SHOX: variants seen among roughly 807,000 people sequenced by gnomAD.
SHOX encodes short stature homeobox protein.
Under a neutral mutation model 29.6 loss-of-function variants are expected in SHOX, and 12 were observed. The ratio of observed to expected loss-of-function variants is 0.41; its 90% confidence interval spans 0.26 to 0.66. The LOEUF (loss-of-function observed/expected upper bound fraction) is 0.66, where lower values mean the gene tolerates loss of function less well. SHOX is among the 30% of genes least tolerant of loss of function. The probability of loss-of-function intolerance (pLI) is 0.35; values close to 1 mark genes in which losing one functional copy is unlikely to be tolerated. For missense variants in SHOX, 499 were observed against 437.7 expected, an observed-to-expected ratio of 1.14 and a Z score of -1.25; for synonymous variants, 214 against 200.6, an observed-to-expected ratio of 1.07 and a Z score of -0.57.
upstream of SHOX, among the ~76,000 whole-genome samples, chrX:625,950 C>T (rs867375921): frequency 0.02 from 1,177 of 58,918 alleles, 4 homozygotes; most frequent in African/African-American, 0.071. Context: ...TCTCTGTCTT[C>T]GTTCCTCTCT....
intron 1 of SHOX, among the ~76,000 whole-genome samples, chrX:633,355 G>A (rs1394843974): frequency 1.3e-5 from 2 of 152,028 alleles, no homozygotes; most frequent in Admixed American, 6.6e-5. Context: ...AGCTGGGGTC[G>A]TCTCCAGGAA....
chrX:634,579 T>C (rs1161167814), intron 1 of SHOX, 39 bp from the exon 2 acceptor site: 1 of 1,607,230 alleles, frequency 6.2e-7, no homozygotes, highest in South Asian at 1.1e-5. Flanking sequence ...GCGCAAAACC[T>C]CCCCGGCCTC....
rs751627014 is a variant in SHOX at position 635,304 on chromosome X, TA to T, written c.486+487del. On this transcript the variant is annotated intron_variant, in intron 2 of 4. Coordinates refer to ENST00000686671, the MANE Select transcript of SHOX (RefSeq NM_000451.4). ...AGAGTGTTTTACAAGATTTTTCATT[TA>T]AAAAAAAATGTGTCTTTTGGCCCCT... Among the ~76,000 whole-genome samples, 1,069 of 151,370 alleles carry T rather than the reference TA, an allele frequency of 7.1e-3. 4 individuals carry two copies. The highest frequency in any genetic ancestry group is 0.012 in the Admixed American group (185 of 15,142).
chrX:627,733 G>T (rs547161987), upstream of SHOX, among the ~76,000 whole-genome samples: 1 of 152,222 alleles, frequency 6.6e-6, no homozygotes, highest in African/African-American at 2.4e-5. Flanking sequence ...CTGGTAGAGC[G>T]GAGTTTCCTA....
downstream of SHOX, among the ~76,000 whole-genome samples, chrX:651,737 C>T (rs936069765): frequency 2.0e-5 from 3 of 151,182 alleles, no homozygotes; most frequent in Non-Finnish European, 4.4e-5. Flanking sequence ...CCCAGTGTTG[C>T]CCCCCAGCCT....
upstream of SHOX, chrX:630,664 G>A: frequency 1.6e-6 from 1 of 608,164 alleles, no homozygotes; most frequent in East Asian, 2.7e-5. Flanking sequence ...GGGGGGTGGG[G>A]GAGACACAGC....
rs1307909375 is a variant in SHOX at position 650,392 on chromosome X, T to G, written c.*5756T>G. On this transcript the variant is annotated 3_prime_UTR_variant, in exon 5 of 5. Transcript: ENST00000686671. The stretch of plus-strand genomic sequence containing the variant: ...CCATTTCCTTGGAAGCCTGAGTTTC[T>G]GTTCTGGTCTTGCTGCTGTCCTTGG... Among the ~76,000 whole-genome samples the G allele has an allele frequency of 6.6e-6, 1 of 152,140 alleles. No homozygotes were observed. The highest frequency in any genetic ancestry group is 2.4e-5 in the African/African-American group (1 of 41,446).
chrX:638,384 G>A (rs1031872108), intron 2 of SHOX, among the ~76,000 whole-genome samples: 6 of 152,092 alleles, frequency 3.9e-5, no homozygotes, highest in Non-Finnish European at 7.4e-5. Context: ...TCTGGGCCCT[G>A]GAGGAGACAG....
At chrX:651,938 G>C (rs1162527675), downstream of SHOX, among the ~76,000 whole-genome samples, 1 of 147,310 alleles carries the variant, frequency 6.8e-6, no homozygotes, top group African/African-American at 2.5e-5. Flanking sequence ...TTTTTTTTTT[G>C]AGACTGAGTC....
In SHOX at chrX:630,953, G is replaced by T. The variant is rs748023493; in HGVS notation, c.56G>T (p.Gly19Val). The change falls in exon 1 of 5, where the codon GGT (glycine) becomes GTT (valine). Residue 19 changes from glycine (G) to valine (V), a missense_variant. Transcript: ENST00000686671. ...SKSFDQKSKDGNGGGGGGGGK... is the reference protein window; with the variant it reads ...SKSFDQKSKDVNGGGGGGGGK... ...TCTTTTGACCAGAAAAGCAAGGACGGTAACGGCGGAGGCGGAGGCGGCGGA... is the reference window on the plus strand; with the variant it reads ...TCTTTTGACCAGAAAAGCAAGGACGTTAACGGCGGAGGCGGAGGCGGCGGA... The T allele has an allele frequency of 6.2e-7, 1 of 1,613,858 alleles. No individual in the cohort carries two copies. Among genetic ancestry groups the T allele is most frequent in the Admixed American group, 1.7e-5 (1 of 60,016 alleles).
At chrX:625,643 GTC>G (rs1174476306) in intron 1 of SHOX, among the ~76,000 whole-genome samples, 28 of 138,450 alleles carry the variant, frequency 2.0e-4, no homozygotes, top group African/African-American at 5.5e-4. Flanking sequence ...CTCTATCTCT[GTC>G]TCTCTTTCTC....
intron 1 of SHOX, among the ~76,000 whole-genome samples, chrX:633,724 A>C (rs28650799): frequency 0.044 from 6,666 of 151,892 alleles, 403 homozygotes; most frequent in African/African-American, 0.13. Context: ...TGTGCTCAGC[A>C]GGCCCGAGAT....
At chrX:640,755 A>T in intron 2 of SHOX, 66 bp from the exon 3 acceptor site, 1 of 1,577,848 alleles carries the variant, frequency 6.3e-7, no homozygotes, top group Non-Finnish European at 8.7e-7. Context: ...CATGGGAAGG[A>T]TGCTCCCTGG....
chrX:631,353 C>A, intron 1 of SHOX, 179 bp downstream of exon 1: 1 of 337,412 alleles, frequency 3.0e-6, no homozygotes, highest in South Asian at 1.2e-4. Context: ...TGGACCCGAC[C>A]GGAGACGCGG....
chrX:642,309 G>T (rs868224744), intron 4 of SHOX, among the ~76,000 whole-genome samples: 38 of 152,134 alleles, frequency 2.5e-4, no homozygotes, highest in Admixed American at 4.6e-4. Flanking sequence ...TTGGGGGGGG[G>T]GCTCTGGCAG....
At chrX:631,492 A>T (rs1442536044) in intron 1 of SHOX, among the ~76,000 whole-genome samples, 2 of 151,832 alleles carry the variant, frequency 1.3e-5, no homozygotes, top group African/African-American at 2.4e-5. Flanking sequence ...GTAGGGCCTG[A>T]GATGTCTTTT....
chrX:635,323 TG>T (rs1353081147), intron 2 of SHOX, among the ~76,000 whole-genome samples: 1 of 152,168 alleles, frequency 6.6e-6, no homozygotes, highest in Non-Finnish European at 1.5e-5. Context: ...ATGTGTCTTT[TG>T]GCCCCTGATT....
At chrX:639,152 C>A (rs773378357) in intron 2 of SHOX, among the ~76,000 whole-genome samples, 1 of 152,234 alleles carries the variant, frequency 6.6e-6, no homozygotes, top group African/African-American at 2.4e-5. Flanking sequence ...TCACATGAGG[C>A]CTGTGTGAAT....
rs764195425 is a variant in SHOX at position 650,440 on chromosome X, C to A, written c.*5804C>A. Among the ~76,000 whole-genome samples, 25 of 152,260 alleles carry A rather than the reference C, an allele frequency of 1.6e-4. 2 individuals are homozygous for A. In the South Asian group the frequency reaches 2.9e-3, roughly 18 times the overall value. ...TGGCCACGTCAGCACGTGGGAGCAT[C>A]TGTGGATACCGCAGAGTCTGGGGAC... On this transcript the variant is annotated 3_prime_UTR_variant, in exon 5 of 5. Transcript: ENST00000686671.
Sources: gnomAD v4.1 joint callset for allele counts (sites outside exome capture counted in the v4.1 genomes callset) on GRCh38, gnomAD v4.1.1 for gene constraint, MANE v1.5 for transcripts, NCBI Gene and HGNC (gene_info 2026-07-23, HGNC 2026-07-21) for gene names.